Variants in ADCY2 observed in about 807,000 individuals in gnomAD.
ADCY2 encodes the protein adenylate cyclase 2.
Under a neutral mutation model 125.2 loss-of-function variants are expected in ADCY2, and 31 were observed. The ratio of observed to expected loss-of-function variants is 0.25; its 90% CI spans 0.19 to 0.33. The LOEUF (loss-of-function observed/expected upper bound fraction) is 0.33. ADCY2 is among the 10% of genes least tolerant of loss of function. The pLI, the probability that ADCY2 is intolerant of heterozygous loss-of-function variation, is 1.00. For missense variants in ADCY2, 904 were observed against 1,418.2 expected, an observed-to-expected ratio of 0.64 and a Z score of 5.82; for synonymous variants, 512 against 548.4, an observed-to-expected ratio of 0.93 and a Z score of 0.93.
At chr5:7,809,444 T>C (rs1744864474) in intron 22 of ADCY2, among the ~76,000 whole-genome samples, 1 of 152,258 alleles carries the variant, frequency 6.6e-6, no homozygotes, top group Non-Finnish European at 1.5e-5. Context: ...GAATGTCACT[T>C]TTACCTTTTG....
chr5:7,558,403 A>T (rs1188009346), intron 3 of ADCY2, among the ~76,000 whole-genome samples: 2 of 152,110 alleles, frequency 1.3e-5, no homozygotes, highest in Non-Finnish European at 2.9e-5. Flanking sequence ...ATGGTATCTT[A>T]TTGTGGTTTT....
rs1744623990 is a variant in ADCY2 at position 7,802,387 on chromosome 5, G to A, written c.2775+23G>A. On this transcript the variant is annotated intron_variant, in intron 21 of 24. Transcript: ENST00000338316. The surrounding 1 kb of genome is among the most constrained non-coding windows in gnomAD (Gnocchi z 4.6). The stretch of plus-strand genomic sequence containing the variant: ...GATGTAGGTACTGAGAGTTGCCCTC[G>A]AAGGGCAGCAGTACACTCAGTCTCA... 7 of 1,611,296 alleles carry A rather than the reference G, an allele frequency of 4.3e-6. No individual in the cohort carries two copies. Among genetic ancestry groups the A allele is most frequent in the Non-Finnish European group, 5.1e-6 (6 of 1,178,406 alleles).
At chr5:7,761,298 C>T (rs1287073696) in intron 16 of ADCY2, among the ~76,000 whole-genome samples, 3 of 151,544 alleles carry the variant, frequency 2.0e-5, no homozygotes, top group East Asian at 1.9e-4. Flanking sequence ...TTCAGGCACC[C>T]ACCACTACGC....
chr5:7,411,678 T>C (rs1283682709), intron 1 of ADCY2, among the ~76,000 whole-genome samples: 2 of 151,862 alleles, frequency 1.3e-5, no homozygotes, highest in Non-Finnish European at 2.9e-5. Context: ...AGAGAAAAAA[T>C]AGAGAGTTTA....
chr5:7,767,257 T>C (rs1360179648), intron 17 of ADCY2, among the ~76,000 whole-genome samples: 1 of 152,152 alleles, frequency 6.6e-6, no homozygotes, highest in African/African-American at 2.4e-5. Context: ...GTGATTCTGT[T>C]CCCTAGTAAT....
chr5:7,527,323 T>C (rs1299109394), intron 3 of ADCY2, among the ~76,000 whole-genome samples: 1 of 152,232 alleles, frequency 6.6e-6, no homozygotes, highest in Non-Finnish European at 1.5e-5. Context: ...ATCGTGCCTG[T>C]TCTTCATTTG....
At chr5:7,762,622 A>G (rs1430298106) in intron 16 of ADCY2, among the ~76,000 whole-genome samples, 1 of 152,206 alleles carries the variant, frequency 6.6e-6, no homozygotes, top group Middle Eastern at 3.2e-3. Context: ...CATGCAGTTC[A>G]ATGGTCCCAG....
At chr5:7,620,357 T>G (rs980169932) in intron 3 of ADCY2, among the ~76,000 whole-genome samples, 1 of 152,148 alleles carries the variant, frequency 6.6e-6, no homozygotes, top group Non-Finnish European at 1.5e-5. Context: ...CCTAATAACA[T>G]CCATTGTTGA....
At chr5:7,649,713 C>G (rs1273929835) in intron 4 of ADCY2, among the ~76,000 whole-genome samples, 1 of 152,198 alleles carries the variant, frequency 6.6e-6, no homozygotes, top group Non-Finnish European at 1.5e-5. Flanking sequence ...TAGCTCCTAT[C>G]TCTCCCCTGA....
intron 4 of ADCY2, among the ~76,000 whole-genome samples, chr5:7,674,830 G>A (rs974987018): frequency 1.3e-5 from 2 of 152,296 alleles, no homozygotes; most frequent in Middle Eastern, 3.4e-3. Context: ...CGTGGCTGTA[G>A]TGGTGAATTT....
At chr5:7,770,390 C>A (rs1245348707) in intron 17 of ADCY2, among the ~76,000 whole-genome samples, 2 of 152,168 alleles carry the variant, frequency 1.3e-5, no homozygotes, top group Non-Finnish European at 2.9e-5. Flanking sequence ...TTATTCTGCT[C>A]TCTCATTCGA....
intron 14 of ADCY2, 126 bp downstream of exon 14, chr5:7,727,387 G>A (rs1226967649): frequency 1.2e-5 from 9 of 765,272 alleles, no homozygotes; most frequent in Non-Finnish European, 1.9e-5. Context: ...TCATGGTAAA[G>A]GGAGAGTAAC....
chr5:7,531,844 G>A (rs902206365), intron 3 of ADCY2, among the ~76,000 whole-genome samples: 1 of 152,198 alleles, frequency 6.6e-6, no homozygotes, highest in Non-Finnish European at 1.5e-5. Context: ...GAGGTTTCCA[G>A]TGGACATAAC....
At chr5:7,538,860 CT>C (rs1171638712) in intron 3 of ADCY2, among the ~76,000 whole-genome samples, 1 of 95,120 alleles carries the variant, frequency 1.1e-5, no homozygotes, top group Non-Finnish European at 2.3e-5. Flanking sequence ...CTTTTCTTTT[CT>C]TTTCTTTTTT....
chr5:7,406,353 G>T (rs745901040), intron 1 of ADCY2, among the ~76,000 whole-genome samples: 3 of 152,124 alleles, frequency 2.0e-5, no homozygotes, highest in Non-Finnish European at 4.4e-5. Flanking sequence ...GAGACCAGTG[G>T]TCTAAAAAGA....
chr5:7,744,153 T>G (rs368795627), intron 15 of ADCY2, among the ~76,000 whole-genome samples: 4 of 152,018 alleles, frequency 2.6e-5, no homozygotes, highest in East Asian at 3.9e-4. Context: ...TCCTCACTCA[T>G]AAGTGGGAGT....
At chr5:7,535,522 A>C (rs1331215486) in intron 3 of ADCY2, among the ~76,000 whole-genome samples, 1 of 152,232 alleles carries the variant, frequency 6.6e-6, no homozygotes, top group African/African-American at 2.4e-5. Flanking sequence ...CAAGCATGAC[A>C]GCTAAATGTA....
chr5:7,586,732 G>A (rs572496860), intron 3 of ADCY2, among the ~76,000 whole-genome samples: 24 of 152,142 alleles, frequency 1.6e-4, no homozygotes, highest in Middle Eastern at 6.8e-3. Context: ...GCTGGGTGGC[G>A]GTGTAAGTGT....
In ADCY2 at chr5:7,407,866, T is replaced by A. The variant is rs553609744; in HGVS notation, c.211-6707T>A. Among the ~76,000 whole-genome samples, 654 of 149,880 alleles carry A rather than the reference T, an allele frequency of 4.4e-3. 5 individuals are homozygous for A. The highest frequency in any genetic ancestry group is 0.015 in the African/African-American group (620 of 40,804). ...TGGCACAAATTCCTTTCTCTTCAGT[T>A]CTTTTTTTTTTTTTTTTTTTGAGAC... is the stretch of plus-strand genomic sequence containing the variant. On this transcript the variant is annotated intron_variant, in intron 1 of 24. Coordinates refer to ENST00000338316, the MANE Select transcript of ADCY2 (RefSeq NM_020546.3).
Sources: allele counts gnomAD v4.1 joint callset (sites outside exome capture counted in the v4.1 genomes callset), GRCh38; gene constraint gnomAD v4.1.1; non-coding constraint Gnocchi (gnomAD v3.1); transcripts MANE v1.5; gene names NCBI Gene and HGNC (gene_info 2026-07-23, HGNC 2026-07-21).